Variants in LIPA observed in about 807,000 individuals in gnomAD.
LIPA encodes lysosomal acid lipase/cholesteryl ester hydrolase.
LIPA carries 26 observed loss-of-function variants against 40.6 expected under a neutral mutation model. The observed-to-expected ratio is 0.64, with a 90% CI of 0.47 to 0.89. LIPA has a LOEUF of 0.89. Among genes scored for constraint, LIPA ranks in the 40% least tolerant of loss-of-function variants. LIPA has a pLI of 0.00. For synonymous variants in LIPA, 188 were observed against 168.4 expected, an observed-to-expected ratio of 1.12 and a Z score of -0.90; for missense variants, 455 against 479.6, an observed-to-expected ratio of 0.95 and a Z score of 0.48.
chr10:89,228,497 T>C, intron 3 of LIPA, 99 bp from the exon 4 acceptor site: 3 of 966,256 alleles, frequency 3.1e-6, no homozygotes, highest in South Asian at 1.3e-5. Context: ...CATAAGCAAA[T>C]AATGAACTAG....
intron 1 of LIPA, among the ~76,000 whole-genome samples, chr10:89,303,886 G>A (rs944763506): frequency 2.6e-5 from 4 of 152,164 alleles, no homozygotes; most frequent in African/African-American, 9.7e-5. Flanking sequence ...TGGGGTCTGA[G>A]AGTGGTCATA....
chr10:89,363,523 A>C (rs940758957), intron 2 of LIPA: 1 of 152,210 alleles, frequency 6.6e-6, no homozygotes, highest in African/African-American at 2.4e-5. Context: ...CTCGCCTGTA[A>C]TCCCAGCACT....
At position 89,369,951 on chromosome 10, in the gene LIPA, G is replaced by A. The variant is rs116912521; in HGVS notation, c.61+42840C>T. On this transcript the variant is annotated intron_variant, in intron 2 of 8. Transcript: ENST00000371837. ...AATGAACTATATTAAAGCTATAAAA[G>A]CTGCAGCTCAAGAAACTGCTATGTG... Among the ~76,000 whole-genome samples the A allele has an allele frequency of 9.0e-3, 1,376 of 152,350 alleles. 10 individuals are homozygous for A. Among genetic ancestry groups the A allele is most frequent in the Middle Eastern group, 0.024 (7 of 294 alleles).
chr10:89,405,734 CTT>C, intron 2 of LIPA: 1 of 152,370 alleles, frequency 6.6e-6, no homozygotes, highest in East Asian at 1.9e-4. Flanking sequence ...TCCTCTGACT[CTT>C]TTGCCTCTTT....
At chr10:89,215,224 C>CA (rs1564748732) in intron 9 of LIPA, among the ~76,000 whole-genome samples, 163 bp from the exon 10 acceptor site, 1 of 152,120 alleles carries the variant, frequency 6.6e-6, no homozygotes, top group South Asian at 2.1e-4. Flanking sequence ...ATTACCGGCA[C>CA]AAAAAAAGAA....
In LIPA at chr10:89,387,369, G is replaced by C. The variant is rs911092740; in HGVS notation, c.61+25422C>G. Among the ~76,000 whole-genome samples, 120 of 151,596 alleles carry C rather than the reference G, an allele frequency of 7.9e-4. 1 individual carries two copies. Among genetic ancestry groups the C allele is most frequent in the African/African-American group, 2.9e-3 (118 of 41,324 alleles). On this transcript the variant is annotated intron_variant, in intron 2 of 8. Transcript: ENST00000371837. ...TAACAACATCAATTCACCATACCCT[G>C]GGAACATAAGAGGGAATCAATAAAC...
rs141318896 is a variant in LIPA, at chr10:89,318,200, A to T, written c.-2+24411T>A. Among the ~76,000 whole-genome samples, 1,026 of 152,356 alleles carry T rather than the reference A, an allele frequency of 6.7e-3. 16 individuals are homozygous for T. Among genetic ancestry groups the T allele is most frequent in the East Asian group, 0.051 (266 of 5,192 alleles). ...CAGCTAACATGATAAGGACAGGATC[A>T]TATTCACACATAACAATATTAACCT... On this transcript the variant is annotated intron_variant, in intron 1 of 5. Coordinates refer to the LIPA transcript ENST00000282673.
intron 1 of LIPA, among the ~76,000 whole-genome samples, chr10:89,305,425 G>A (rs1843472055): frequency 1.3e-5 from 2 of 152,024 alleles, no homozygotes; most frequent in Admixed American, 1.3e-4. Context: ...TTCTTTAAAG[G>A]CAAATGAAGG....
chr10:89,331,057 CA>C (rs1396445370), intron 1 of LIPA, among the ~76,000 whole-genome samples: 1 of 152,212 alleles, frequency 6.6e-6, no homozygotes, highest in East Asian at 1.9e-4. Context: ...AGTAGAGCTG[CA>C]CCCAAGAATG....
chr10:89,344,461 C>T (rs1486069417), upstream of LIPA, among the ~76,000 whole-genome samples: 1 of 152,130 alleles, frequency 6.6e-6, no homozygotes, highest in East Asian at 1.9e-4. Context: ...AGAACAAACT[C>T]CTTGCAGACG....
chr10:89,251,913 A>C (rs775008416), upstream of LIPA: 96 of 153,336 alleles, frequency 6.3e-4, no homozygotes, highest in Non-Finnish European at 1.0e-3. Context: ...AGTGCCTCGG[A>C]GACTCCGCCC....
At chr10:89,277,600 G>A (rs1204382448) in intron 1 of LIPA, among the ~76,000 whole-genome samples, 1 of 152,286 alleles carries the variant, frequency 6.6e-6, no homozygotes, top group South Asian at 2.1e-4. Flanking sequence ...GATGGACAAA[G>A]TATGTTTTCT....
At chr10:89,271,575 G>T (rs1564773292) in intron 1 of LIPA, among the ~76,000 whole-genome samples, 1 of 152,192 alleles carries the variant, frequency 6.6e-6, no homozygotes, top group East Asian at 1.9e-4. Context: ...CTTGCAGGAG[G>T]TCTTCTGGGG....
chr10:89,263,787 T>TC (rs1843221910), intron 1 of LIPA, among the ~76,000 whole-genome samples: 1 of 152,226 alleles, frequency 6.6e-6, no homozygotes, highest in Admixed American at 6.5e-5. Context: ...ATCCCACGCC[T>TC]CCAAGGTCAA....
intron 2 of LIPA, among the ~76,000 whole-genome samples, chr10:89,400,804 T>C (rs1844410382): frequency 6.6e-6 from 1 of 152,222 alleles, no homozygotes. Context: ...CCATGTTGAA[T>C]AGAAGTGGTG....
intron 1 of LIPA, among the ~76,000 whole-genome samples, chr10:89,269,562 C>T (rs1394777143): frequency 1.3e-5 from 2 of 152,016 alleles, no homozygotes; most frequent in Non-Finnish European, 2.9e-5. Context: ...CATTAATTTT[C>T]TCTGAAGTCA....
chr10:89,284,049 T>C (rs1843328374), intron 1 of LIPA: 1 of 152,220 alleles, frequency 6.6e-6, no homozygotes, highest in Non-Finnish European at 1.5e-5. Flanking sequence ...CATTTTAAAA[T>C]CTGTGGCGCT....
intron 2 of LIPA, chr10:89,385,043 G>A: frequency 3.9e-6 from 1 of 258,594 alleles, no homozygotes; most frequent in Non-Finnish European, 7.4e-6. Flanking sequence ...TATAACGTGT[G>A]TACTGACCTT....
At chr10:89,370,945 G>C (rs1844088245) in intron 2 of LIPA, among the ~76,000 whole-genome samples, 2 of 152,174 alleles carry the variant, frequency 1.3e-5, no homozygotes, top group Admixed American at 1.3e-4. Context: ...TTGAACCCAG[G>C]AGGCAGAGAC....
Sources: gnomAD v4.1 joint callset for allele counts (sites outside exome capture counted in the v4.1 genomes callset) on GRCh38, gnomAD v4.1.1 for gene constraint, MANE v1.5 for transcripts, NCBI Gene and HGNC (gene_info 2026-07-23, HGNC 2026-07-21) for gene names.